ADGRE5: variants seen among roughly 807,000 people sequenced by gnomAD.
ADGRE5 encodes the protein adhesion G protein-coupled receptor E5.
In ADGRE5, 72 loss-of-function variants were observed where a neutral mutation model predicts 100.3. The observed-to-expected ratio is 0.72, with a 90% CI of 0.59 to 0.87. The LOEUF (loss-of-function observed/expected upper bound fraction) is 0.87, where lower values mean the gene tolerates loss of function less well. Among genes scored for constraint, ADGRE5 ranks in the 40% least tolerant of loss-of-function variants. The pLI is 0.00. For synonymous variants in ADGRE5, 439 were observed against 447.8 expected (o/e 0.98, Z 0.25); for missense variants, 959 against 1,094.7 (o/e 0.88, Z 1.75).
At position 14,406,976 on chromosome 19, in the gene ADGRE5, G is replaced by A. The variant is rs1411112869; in HGVS notation, c.2207+16G>A. The A allele has an allele frequency of 6.8e-6, 11 of 1,613,880 alleles. No individual in the cohort carries two copies. Among genetic ancestry groups the A allele is most frequent in the Admixed American group, 1.7e-5 (1 of 60,028 alleles). On this transcript the variant is annotated intron_variant, in intron 17 of 19. Transcript: ENST00000242786. The surrounding 1 kb of genome is among the most constrained non-coding windows in gnomAD (Gnocchi z 6.0). ...AGAAGGCGAGGTGAGAGGAGAGGCT[G>A]GAAGGACTTGGAGGCGGGGCCGGGG...
At chr19:14,389,747 A>G (rs1471135857) in intron 3 of ADGRE5, among the ~76,000 whole-genome samples, 1 of 148,920 alleles carries the variant, frequency 6.7e-6, no homozygotes, top group Non-Finnish European at 1.5e-5. Context: ...AAAAAAAAAA[A>G]AGAGAGAGAC....
chr19:14,389,747 AAG>A (rs1329342394), intron 3 of ADGRE5, among the ~76,000 whole-genome samples: 1 of 148,920 alleles, frequency 6.7e-6, no homozygotes, highest in Non-Finnish European at 1.5e-5. Flanking sequence ...AAAAAAAAAA[AAG>A]AGAGAGACAG....
chr19:14,381,534 G>A lies in ADGRE5; in HGVS notation c.11G>A (p.Arg4His), dbSNP rs375635407. ...CCGGCAGCTCCAACCATGGGAGGCCGCGTCTTTCTCGGTAAGTACTTTGGG... is the reference window on the plus strand; with the variant it reads ...CCGGCAGCTCCAACCATGGGAGGCCACGTCTTTCTCGGTAAGTACTTTGGG... Reference protein sequence around the residue: MGGRVFLAFCVWLT... With the variant: MGGHVFLAFCVWLT... Residue 4 changes from arginine (R) to histidine (H), a missense_variant, in exon 1 of 20, where the codon CGC (arginine) becomes CAC (histidine). Around this residue, in one of 6 missense-constraint regions of ADGRE5, gnomAD observed 114 missense variants for 195.7 expected, o/e 0.58. Transcript: ENST00000242786. 3.0e-5 allele frequency: 48 copies of A among 1,609,508 alleles called. No homozygotes were observed. The highest frequency in any genetic ancestry group is 4.1e-5 in the Non-Finnish European group (48 of 1,178,398).
At chr19:14,383,076 G>A (rs1341291337) in intron 1 of ADGRE5, among the ~76,000 whole-genome samples, 1 of 152,080 alleles carries the variant, frequency 6.6e-6, no homozygotes, top group East Asian at 1.9e-4. Context: ...GGTGGTGTGC[G>A]CCTGTAGTCC....
rs1976369202 is a variant in ADGRE5, at chr19:14,408,241, T to G, written c.*120T>G. On this transcript the variant is annotated 3_prime_UTR_variant, in exon 20 of 20. Coordinates refer to ENST00000242786, the MANE Select transcript of ADGRE5 (RefSeq NM_078481.4). ...CCTCCACCCTCCCTCCCTGATCCCG[T>G]GTGCCACCAGGAGGGAGTGGCAGCT... The G allele has an allele frequency of 8.6e-7, 1 of 1,163,754 alleles. No homozygotes were observed. The highest frequency in any genetic ancestry group is 2.0e-5 in the Admixed American group (1 of 50,710). The allele number at this position is 1,163,754 out of a possible 1,614,324, so 72.1% of individuals were successfully genotyped here.
intron 11 of ADGRE5, among the ~76,000 whole-genome samples, 186 bp from the exon 12 acceptor site, chr19:14,402,411 G>A (rs999865293): frequency 6.6e-6 from 1 of 151,844 alleles, no homozygotes; most frequent in African/African-American, 2.4e-5. Flanking sequence ...CTCCAGCCTG[G>A]GCGAAAGAGC....
At chr19:14,388,110 C>T (rs1273173243) in intron 1 of ADGRE5, among the ~76,000 whole-genome samples, 1 of 151,904 alleles carries the variant, frequency 6.6e-6, no homozygotes, top group Admixed American at 6.6e-5. Flanking sequence ...CACCTGTGGT[C>T]CCAGCTACTT....
chr19:14,396,296 C>A, intron 4 of ADGRE5, 46 bp from the exon 5 acceptor site: 2 of 1,614,060 alleles, frequency 1.2e-6, no homozygotes, highest in African/African-American at 1.3e-5. Context: ...GCCCTGAAAG[C>A]TGCTCACAGC....
chr19:14,406,460 A>C lies in ADGRE5; in HGVS notation c.1951A>C (p.Ser651Arg). 1 of 1,572,108 alleles carries C rather than the reference A, an allele frequency of 6.4e-7. No homozygotes were observed. The highest frequency in any genetic ancestry group is 2.4e-5 in the East Asian group (1 of 42,418). ...GCGCGTGTTCCAAGGCCAGGGCCTG[A>C]GTACGCGCTGGCTCTGCCTGATCGG... The part of the protein sequence containing the change: ...VVRVFQGQGL[S>R]TRWLCLIGYG... Residue 651 changes from serine to arginine, a missense_variant, in exon 15 of 20, where the codon AGT (serine) becomes CGT (arginine). Around this residue, in one of 6 missense-constraint regions of ADGRE5, gnomAD observed 428 missense variants for 386.2 expected, o/e 1.11. Transcript: ENST00000242786. This position sits in a 1 kb window ranked among gnomAD's most constrained non-coding sequence, Gnocchi z 6.0.
In ADGRE5 at chr19:14,406,014, G is replaced by T; in HGVS notation, c.1821+75G>T. The T allele has an allele frequency of 2.2e-6, 3 of 1,344,946 alleles. No homozygotes were observed. The highest frequency in any genetic ancestry group is 3.0e-6 in the Non-Finnish European group (3 of 997,626). The allele number at this position is 1,344,946 out of a possible 1,614,324, so 83.3% of individuals were successfully genotyped here. A position where few individuals can be genotyped will look rare whatever the true frequency, so the allele number is the denominator to read the frequency against. On this transcript the variant is annotated intron_variant, in intron 14 of 19. Transcript: ENST00000242786. The surrounding 1 kb of genome is among the most constrained non-coding windows in gnomAD (Gnocchi z 6.0). The stretch of plus-strand genomic sequence containing the variant: ...GGAGGGGTTAGCCCCGCCCACTCCC[G>T]GGGCTCAGTCGGGTAGGCGGGCCCT...
At chr19:14,382,170 C>T (rs1295102728) in intron 1 of ADGRE5, among the ~76,000 whole-genome samples, 1 of 152,218 alleles carries the variant, frequency 6.6e-6, no homozygotes, top group Non-Finnish European at 1.5e-5. Flanking sequence ...ATCAGGGTAG[C>T]TCGTTGCCTA....
chr19:14,402,446 AAC>A, intron 11 of ADGRE5, 149 bp from the exon 12 acceptor site: 3 of 787,842 alleles, frequency 3.8e-6, no homozygotes, highest in African/African-American at 3.5e-5. Flanking sequence ...AAAAAAAAAA[AAC>A]AAGGAACAAC....
At position 14,408,337 on chromosome 19, in the gene ADGRE5, C is replaced by T; in HGVS notation, c.*216C>T. On this transcript the variant is annotated 3_prime_UTR_variant, in exon 20 of 20. Transcript: ENST00000242786. ...AGCCACTGGTCCTGCTGCTGGCTGC[C>T]TCTCTGCTCCACCTTGTGACCCAGG... 1 of 635,322 alleles carries T rather than the reference C, an allele frequency of 1.6e-6. No individual in the cohort carries two copies. Among genetic ancestry groups the T allele is most frequent in the East Asian group, 2.7e-5 (1 of 36,552 alleles). The allele number at this position is 635,322 out of a possible 1,614,324, so 39.4% of individuals were successfully genotyped here. A position where few individuals can be genotyped will look rare whatever the true frequency, so the allele number is the denominator to read the frequency against.
At position 14,407,977 on chromosome 19, in the gene ADGRE5, A is replaced by G. The variant is rs1169757606; in HGVS notation, c.2446A>G (p.Thr816Ala). ...GAGCAAGTACTCAGAATTCACCTCCACCACGTCTGGCACTGGCCACAATCA... is the reference window on the plus strand; with the variant it reads ...GAGCAAGTACTCAGAATTCACCTCCGCCACGTCTGGCACTGGCCACAATCA... ...GGSKYSEFTS[T>A]TSGTGHNQTR... Residue 816 changes from threonine (T) to alanine (A), a missense_variant, in exon 19 of 20, where the codon ACC becomes GCC. By Grantham distance (58) the Thr-to-Ala change is moderately conservative. This residue lies in a region of ADGRE5 where 428 missense variants were observed against 386.2 expected (regional missense o/e 1.11). Coordinates refer to ENST00000242786, the MANE Select transcript of ADGRE5 (RefSeq NM_078481.4). The G allele has an allele frequency of 1.2e-6, 2 of 1,613,858 alleles. No homozygotes were observed. Among genetic ancestry groups the G allele is most frequent in the Non-Finnish European group, 1.7e-6 (2 of 1,179,994 alleles).
chr19:14,389,417 A>C (rs1599614454), intron 3 of ADGRE5, among the ~76,000 whole-genome samples: 2 of 77,786 alleles, frequency 2.6e-5, no homozygotes, highest in East Asian at 4.7e-4. Context: ...AGGAGGCAGG[A>C]AGGAAGGAAG....
At chr19:14,390,325 T>C (rs1345093610) in intron 3 of ADGRE5, among the ~76,000 whole-genome samples, 3 of 148,908 alleles carry the variant, frequency 2.0e-5, no homozygotes, top group East Asian at 2.0e-4. Flanking sequence ...GGTTTTTTTT[T>C]CCTTTTTTTT....
intron 13 of ADGRE5, 39 bp from the exon 14 acceptor site, chr19:14,405,709 T>C (rs1206875687): frequency 1.3e-6 from 2 of 1,533,342 alleles, no homozygotes; most frequent in Non-Finnish European, 1.8e-6. Context: ...GAAGGCCTCA[T>C]GCCCTGAAGG....
Position 14,407,658 on chromosome 19 carries a change from G to A in ADGRE5, c.2377-250G>A, listed in dbSNP as rs371041734. Among the ~76,000 whole-genome samples, 8 of 143,742 alleles carry A rather than the reference G, an allele frequency of 5.6e-5. No individual in the cohort carries two copies. In the South Asian group the frequency reaches 6.3e-4, roughly 11 times the overall value. The allele number at this position is 143,742 out of a possible 152,430, so 94.3% of individuals were successfully genotyped here. A position where few individuals can be genotyped will look rare whatever the true frequency, so the allele number is the denominator to read the frequency against. ...GTCTCCAAAAAAAAAAAAAAAAGCC[G>A]GGTGTGCTGAATACCCATCTCAGCT... is the stretch of plus-strand genomic sequence containing the variant. On this transcript the variant is annotated intron_variant, in intron 18 of 19. Coordinates refer to ENST00000242786, the MANE Select transcript of ADGRE5 (RefSeq NM_078481.4).
At position 14,401,472 on chromosome 19, in the gene ADGRE5, C is replaced by T. The variant is rs1976007756; in HGVS notation, c.984C>T (p.Thr328=). 6.2e-7 allele frequency: 1 copy of T among 1,614,046 alleles called. No individual in the cohort carries two copies. Among genetic ancestry groups the T allele is most frequent in the Non-Finnish European group, 8.5e-7 (1 of 1,180,026 alleles). Residue 328 remains threonine, a synonymous_variant, in exon 10 of 20, where the codon ACC becomes ACT. Coordinates refer to ENST00000242786, the MANE Select transcript of ADGRE5 (RefSeq NM_078481.4). This position sits in a 1 kb window ranked among gnomAD's most constrained non-coding sequence, Gnocchi z 4.1. ...LAPPVRHLIA[T]QLLSNLEDIM... ...CACCTGTCCGGCACCTCATAGCCAC[C>T]CAGCTGCTCTCAAACCTTGAAGATA...
Sources: gnomAD v4.1 joint callset for allele counts (sites outside exome capture counted in the v4.1 genomes callset) on GRCh38, gnomAD v4.1.1 for gene constraint, gnomAD v4.1.1 regional missense constraint, Gnocchi (gnomAD v3.1) non-coding constraint, MANE v1.5 for transcripts, NCBI Gene and HGNC (gene_info 2026-07-23, HGNC 2026-07-21) for gene names.